ACSS3: variants seen among roughly 807,000 people sequenced by gnomAD.
ACSS3 encodes acyl-CoA synthetase short-chain family member 3, mitochondrial.
A neutral mutation model predicts 84.2 loss-of-function variants in ACSS3; 64 were observed. The ratio of observed to expected loss-of-function variants is 0.76; its 90% CI spans 0.62 to 0.94. The LOEUF (loss-of-function observed/expected upper bound fraction) is 0.94, where lower values mean the gene tolerates loss of function less well. ACSS3 is among the 40% of genes least tolerant of loss of function. The pLI is 0.00. For missense variants in ACSS3, 815 were observed against 867.6 expected (o/e 0.94, Z 0.76); for synonymous variants, 317 against 310.1 (o/e 1.02, Z -0.23).
intron 1 of ACSS3, among the ~76,000 whole-genome samples, chr12:81,101,719 G>A (rs1279127303): frequency 1.3e-5 from 2 of 151,920 alleles, no homozygotes; most frequent in Admixed American, 6.6e-5. Flanking sequence ...CGAGAATGCT[G>A]TTTTCTCTTC....
intron 8 of ACSS3, among the ~76,000 whole-genome samples, chr12:81,191,323 T>C (rs1015153320): frequency 6.6e-6 from 1 of 152,138 alleles, no homozygotes; most frequent in Non-Finnish European, 1.5e-5. Flanking sequence ...GCTCCACCTG[T>C]TATCCCCCTC....
intron 13 of ACSS3, among the ~76,000 whole-genome samples, chr12:81,237,435 G>A (rs908497965): frequency 6.6e-6 from 1 of 151,558 alleles, no homozygotes; most frequent in Non-Finnish European, 1.5e-5. Context: ...TAATATTTAA[G>A]TTAAATTTTC....
chr12:81,213,845 C>CTCTTCTCTTCTCTT (rs1565723859), intron 9 of ACSS3, among the ~76,000 whole-genome samples: 12 of 20,530 alleles, frequency 5.8e-4, no homozygotes, highest in African/African-American at 7.1e-4. Flanking sequence ...TCTCTTCTCT[C>CTCTTCTCTTCTCTT]CTCTCCTCTC....
intron 11 of ACSS3, among the ~76,000 whole-genome samples, chr12:81,222,255 C>T (rs1258808721): frequency 6.6e-6 from 1 of 151,802 alleles, no homozygotes; most frequent in African/African-American, 2.4e-5. Flanking sequence ...AATTTGATTC[C>T]TCTCTTAGGT....
chr12:81,170,718 A>G (rs754659812), intron 7 of ACSS3, among the ~76,000 whole-genome samples: 6 of 152,100 alleles, frequency 3.9e-5, no homozygotes, highest in Non-Finnish European at 7.4e-5. Flanking sequence ...TAAATTGAAT[A>G]TTGTCTGGGT....
rs915636875 is a variant in ACSS3, at chr12:81,220,121, G to A, written c.1514+45G>A. On this transcript the variant is annotated intron_variant, in intron 11 of 15. Transcript: ENST00000548058. ...CTACTATATTAAAGGGCAAAAACTG[G>A]TGTATATACTAAGAAAAAATGGGGT... 4 of 1,253,358 alleles carry A rather than the reference G, an allele frequency of 3.2e-6. No individual in the cohort carries two copies. The African/African-American group carries it at 4.6e-5, about 15-fold the overall frequency. The allele number at this position is 1,253,358 out of a possible 1,614,324, so 77.6% of individuals were successfully genotyped here.
At chr12:81,192,856 T>C (rs1043988857) in intron 8 of ACSS3, among the ~76,000 whole-genome samples, 3 of 152,206 alleles carry the variant, frequency 2.0e-5, no homozygotes, top group African/African-American at 7.2e-5. Context: ...ATTTTTCTTT[T>C]TGGCCTTTTG....
intron 2 of ACSS3, among the ~76,000 whole-genome samples, chr12:81,123,213 AG>A (rs1884785544): frequency 2.0e-5 from 3 of 152,168 alleles, no homozygotes; most frequent in African/African-American, 7.2e-5. Flanking sequence ...TGAATGGTGG[AG>A]GGAAAGGGGC....
rs900175564 is a variant in ACSS3 at position 81,141,804 on chromosome 12, G to GT, written c.781-1302dup. Among the ~76,000 whole-genome samples the GT allele has an allele frequency of 7.2e-5, 11 of 152,202 alleles. 1 individual carries two copies. The Middle Eastern group carries it at 0.014, about 188-fold the overall frequency. ...CCATTGTATAAATAGAAATGGAAAC[G>GT]TATGATTTGGTCATAGTCAACTATT... On this transcript the variant is annotated intron_variant, in intron 4 of 15. Coordinates refer to ENST00000548058, the MANE Select transcript of ACSS3 (RefSeq NM_024560.4).
At chr12:81,130,525 TA>T (rs1885421168) in intron 2 of ACSS3, among the ~76,000 whole-genome samples, 1 of 152,240 alleles carries the variant, frequency 6.6e-6, no homozygotes, top group South Asian at 2.1e-4. Context: ...TTCTGGATAT[TA>T]GCTCTTTGCC....
At chr12:81,087,535 T>C (rs1432591836) in intron 1 of ACSS3, among the ~76,000 whole-genome samples, 1 of 149,460 alleles carries the variant, frequency 6.7e-6, no homozygotes, top group Non-Finnish European at 1.5e-5. Context: ...TTAGTAAGAC[T>C]AAAAAAAAAA....
At chr12:81,186,181 T>C (rs1009904175) in intron 8 of ACSS3, among the ~76,000 whole-genome samples, 3 of 151,742 alleles carry the variant, frequency 2.0e-5, no homozygotes, top group Non-Finnish European at 1.5e-5. Flanking sequence ...ATTGGATCCT[T>C]AACCTACATT....
At position 81,189,925 on chromosome 12, in the gene ACSS3, A is replaced by T. The variant is rs192859810; in HGVS notation, c.1251-9416A>T. 4.0e-3 allele frequency among the ~76,000 whole-genome samples: 615 copies of T among 152,246 alleles called. 4 individuals are homozygous for T. The highest frequency in any genetic ancestry group is 0.014 in the African/African-American group (580 of 41,558). On this transcript the variant is annotated intron_variant, in intron 8 of 15. Coordinates refer to ENST00000548058, the MANE Select transcript of ACSS3 (RefSeq NM_024560.4). ...CCATTTGATCAATTTCGATTTATTT[A>T]AATGGCCGTCCTTTTCTCACTGCTG...
intron 2 of ACSS3, among the ~76,000 whole-genome samples, chr12:81,123,896 T>A (rs1884856613): frequency 6.6e-6 from 1 of 152,242 alleles, no homozygotes; most frequent in South Asian, 2.1e-4. Context: ...ACTCTATGTC[T>A]GTGCTATTGT....
rs2034295191 is a variant in ACSS3, at chr12:81,256,315, G to A, written c.*1393G>A. 6.6e-6 allele frequency: 1 copy of A among 152,098 alleles called. No individual in the cohort carries two copies. Among genetic ancestry groups the A allele is most frequent in the African/African-American group, 2.4e-5 (1 of 41,410 alleles). The allele number at this position is 152,098 out of a possible 1,614,324, so 9.4% of individuals were successfully genotyped here. On this transcript the variant is annotated 3_prime_UTR_variant, in exon 16 of 16. Coordinates refer to ENST00000548058, the MANE Select transcript of ACSS3 (RefSeq NM_024560.4). ...AATAACTCATTAAAAATATTGTAATGTCCAAAAGTATCTTTCCATTTAACT... is the reference window on the plus strand; with the variant it reads ...AATAACTCATTAAAAATATTGTAATATCCAAAAGTATCTTTCCATTTAACT...
chr12:81,155,591 T>G (rs975613261), intron 7 of ACSS3, among the ~76,000 whole-genome samples: 1 of 152,242 alleles, frequency 6.6e-6, no homozygotes, highest in African/African-American at 2.4e-5. Context: ...GATTCTTAAG[T>G]TCATTTTCCT....
chr12:81,208,305 AG>A (rs2032434204), intron 9 of ACSS3, among the ~76,000 whole-genome samples: 1 of 152,160 alleles, frequency 6.6e-6, no homozygotes. Context: ...ACCACTGTAA[AG>A]GCAGAATGGC....
intron 8 of ACSS3, among the ~76,000 whole-genome samples, chr12:81,197,964 C>T (rs1020302525): frequency 6.6e-6 from 1 of 152,110 alleles, no homozygotes; most frequent in Admixed American, 6.6e-5. Flanking sequence ...CCTCCCAGGT[C>T]ACTGATTGAG....
intron 4 of ACSS3, 109 bp from the exon 5 acceptor site, chr12:81,142,998 G>C: frequency 3.8e-6 from 4 of 1,054,650 alleles, no homozygotes; most frequent in Non-Finnish European, 5.1e-6. Context: ...GTGCCATATA[G>C]GCCTAGATTT....
Sources: allele counts gnomAD v4.1 joint callset (sites outside exome capture counted in the v4.1 genomes callset), GRCh38; gene constraint gnomAD v4.1.1; transcripts MANE v1.5; gene names NCBI Gene and HGNC (gene_info 2026-07-23, HGNC 2026-07-21).